DDX56: variants seen among roughly 807,000 people sequenced by gnomAD.
DDX56 encodes DEAD-box helicase 56, also known as probable ATP-dependent RNA helicase DDX56.
In DDX56, 45 loss-of-function variants were observed where a neutral mutation model predicts 61.5. The ratio of observed to expected loss-of-function variants is 0.73; its 90% CI spans 0.58 to 0.94. The LOEUF (loss-of-function observed/expected upper bound fraction) is 0.94. Among genes scored for constraint, DDX56 ranks in the 40% least tolerant of loss-of-function variants. The pLI, the probability that DDX56 is intolerant of heterozygous loss-of-function variation, is 0.00. For synonymous variants in DDX56, 273 were observed against 268.3 expected, an observed-to-expected ratio of 1.02 and a Z score of -0.17; for missense variants, 708 against 690.7, an observed-to-expected ratio of 1.02 and a Z score of -0.28.
At chr7:44,571,341 C>T in intron 6 of DDX56, 151 bp downstream of exon 6, 1 of 928,444 alleles carries the variant, frequency 1.1e-6, no homozygotes, top group Non-Finnish European at 1.6e-6. Context: ...GGTGCCCGGC[C>T]ATGATAGGTA....
rs1429191354 is a variant in DDX56 at position 44,565,890 on chromosome 7, G to C, written c.*112C>G. On this transcript the variant is annotated 3_prime_UTR_variant, in exon 14 of 14. Coordinates refer to ENST00000258772, the MANE Select transcript of DDX56 (RefSeq NM_019082.4). Reference sequence around the variant, plus strand: ...GGAGCTAAAGGGCCCAGCACTGCCGGCCCCAGAACTGTCTGTTCAGGCTGT... The same window carrying C: ...GGAGCTAAAGGGCCCAGCACTGCCGCCCCCAGAACTGTCTGTTCAGGCTGT... 2 of 844,056 alleles carry C rather than the reference G, an allele frequency of 2.4e-6. No individual in the cohort carries two copies. Among genetic ancestry groups the C allele is most frequent in the African/African-American group, 1.7e-5 (1 of 59,938 alleles). 52.3% of individuals were successfully genotyped at this position (844,056 alleles called of 1,614,324 possible).
intron 13 of DDX56, 144 bp from the exon 14 acceptor site, chr7:44,566,223 G>GGGGAAAGGCAGCTGGGGA: frequency 4.5e-6 from 3 of 667,542 alleles, no homozygotes; most frequent in South Asian, 3.6e-5. Flanking sequence ...ATAAGGAAAT[G>GGGGAAAGGCAGCTGGGGA]GGGAAAGGCA....
chr7:44,570,226 A>G (rs35435922), intron 7 of DDX56, 98 bp from the exon 8 acceptor site: 22,711 of 1,452,372 alleles, frequency 0.016, 232 homozygotes, highest in Non-Finnish European at 0.019. Context: ...CCTGTAGATC[A>G]TAAGACCCTG....
At chr7:44,567,837 G>GGA in intron 12 of DDX56, 1 of 495,546 alleles carries the variant, frequency 2.0e-6, no homozygotes, top group South Asian at 2.0e-5. Flanking sequence ...GCCCAGCTCT[G>GGA]GAGACGACCT....
intron 12 of DDX56, 32 bp from the exon 13 acceptor site, chr7:44,566,556 C>T (rs774492229): frequency 1.3e-6 from 2 of 1,490,874 alleles, no homozygotes; most frequent in South Asian, 1.2e-5. Flanking sequence ...GCAGTGGGCT[C>T]ACCGCTACTG....
At chr7:44,573,771 CG>C in intron 1 of DDX56, 27 bp from the exon 2 acceptor site, 3 of 1,613,446 alleles carry the variant, frequency 1.9e-6, no homozygotes, top group Non-Finnish European at 2.5e-6. Flanking sequence ...GCGGTTTAAG[CG>C]GCGTGAAGAG....
chr7:44,571,745 GA>G lies in DDX56; in HGVS notation c.646-10del. 1 of 1,613,408 alleles carries G rather than the reference GA, an allele frequency of 6.2e-7. No individual in the cohort carries two copies. Among genetic ancestry groups the G allele is most frequent in the Non-Finnish European group, 8.5e-7 (1 of 1,179,774 alleles). The stretch of plus-strand genomic sequence containing the variant: ...TGTAACTTAAGGGTAACCTGGGGGA[GA>G]AAACAGGCCTGTGGTCAGAAAGGAA... On this transcript the variant is annotated splice_polypyrimidine_tract_variant and intron_variant, in intron 5 of 13. Coordinates refer to ENST00000258772, the MANE Select transcript of DDX56 (RefSeq NM_019082.4).
At chr7:44,570,706 C>G in intron 7 of DDX56, 52 bp downstream of exon 7, 1 of 1,569,526 alleles carries the variant, frequency 6.4e-7, no homozygotes, top group Non-Finnish European at 8.7e-7. Flanking sequence ...TTCCAAAAAG[C>G]TAAAAACACA....
rs1162086969 is a variant in DDX56 at position 44,569,963 on chromosome 7, C to A, written c.1124+52G>T. The A allele has an allele frequency of 2.5e-6, 4 of 1,612,934 alleles. No homozygotes were observed. The East Asian group carries it at 8.9e-5, about 36-fold the overall frequency. ...CCCGCAGGCTCTGTCCAGCACACCC[C>A]AAGTCCCTCAGTGTGCCTACCATGC... On this transcript the variant is annotated intron_variant, in intron 8 of 13. Transcript: ENST00000258772.
intron 9 of DDX56, 141 bp downstream of exon 9, chr7:44,569,668 C>G (rs1802624070): frequency 1.3e-6 from 1 of 740,976 alleles, no homozygotes; most frequent in Non-Finnish European, 2.2e-6. Flanking sequence ...ACAGTGCCTG[C>G]CACTCAGGGC....
chr7:44,570,785 C>T lies in DDX56; in HGVS notation c.983G>A (p.Arg328His), dbSNP rs775752607. 1.3e-5 allele frequency: 21 copies of T among 1,613,476 alleles called. No individual in the cohort carries two copies. Among genetic ancestry groups the T allele is most frequent in the East Asian group, 2.2e-5 (1 of 44,868 alleles). ...GTCCCCTTTGGGCCCTCGGCCCCGA[C>T]GCTTGCCCTTGACTGGGGCCCCCAG... ...EVLGAPVKGK[R>H]RGRGPKGDKA... Residue 328 changes from arginine (R) to histidine (H), a missense_variant, in exon 7 of 14, where the codon CGT becomes CAT. Coordinates refer to ENST00000258772, the MANE Select transcript of DDX56 (RefSeq NM_019082.4).
intron 2 of DDX56, among the ~76,000 whole-genome samples, chr7:44,573,376 G>C (rs1415937649): frequency 6.6e-6 from 1 of 152,256 alleles, no homozygotes; most frequent in Non-Finnish European, 1.5e-5. Flanking sequence ...CTTTGTCGAA[G>C]ATTACGCAAA....
In DDX56 at chr7:44,573,691, G is replaced by C; in HGVS notation, c.114C>G (p.Ile38Met). Reference sequence around the variant, plus strand: ...GGTCCTTCCCTTCTAGGGCCAGTGGGATGGCCTTCTCCTGGATCAGCGTAG... The same window carrying C: ...GGTCCTTCCCTTCTAGGGCCAGTGGCATGGCCTTCTCCTGGATCAGCGTAG... ...SRPTLIQEKA[I>M]PLALEGKDLL... is the part of the protein sequence containing the mutation. The change falls in exon 2 of 14, where the codon ATC becomes ATG. Residue 38 changes from isoleucine to methionine, a missense_variant. Physicochemically the swap from Ile to Met is conservative, Grantham distance 10. Coordinates refer to ENST00000258772, the MANE Select transcript of DDX56 (RefSeq NM_019082.4). 1.9e-6 allele frequency: 3 copies of C among 1,613,770 alleles called. No homozygotes were observed. In the South Asian group the frequency reaches 3.3e-5, roughly 18 times the overall value.
intron 7 of DDX56, among the ~76,000 whole-genome samples, chr7:44,570,470 A>G (rs1012699333): frequency 1.3e-5 from 2 of 152,302 alleles, no homozygotes; most frequent in Non-Finnish European, 2.9e-5. Flanking sequence ...TGCTCCCTGC[A>G]AGTCACAGCC....
chr7:44,567,850 C>A (rs1256045716), intron 12 of DDX56: 3 of 516,742 alleles, frequency 5.8e-6, no homozygotes, highest in Admixed American at 6.5e-5. Flanking sequence ...GACGACCTGG[C>A]CTGAAATGCT....
intron 9 of DDX56, 177 bp downstream of exon 9, chr7:44,569,632 C>A: frequency 1.6e-6 from 1 of 641,812 alleles, no homozygotes; most frequent in East Asian, 2.7e-5. Flanking sequence ...GACAAATTAC[C>A]TCAATTTGTT....
intron 9 of DDX56, 103 bp from the exon 10 acceptor site, chr7:44,569,306 A>T: frequency 9.3e-7 from 1 of 1,076,028 alleles, no homozygotes; most frequent in Non-Finnish European, 1.4e-6. Context: ...GCAGCAGGGG[A>T]CCCACCGCCT....
In DDX56 at chr7:44,572,997, C is replaced by A. The variant is rs952262212; in HGVS notation, c.276G>T (p.Lys92Asn). 2.5e-6 allele frequency: 4 copies of A among 1,612,872 alleles called. No individual in the cohort carries two copies. Among genetic ancestry groups the A allele is most frequent in the Admixed American group, 1.7e-5 (1 of 59,730 alleles). Residue 92 changes from lysine (K) to asparagine (N), a missense_variant, in exon 3 of 14, where the codon AAG (lysine) becomes AAT (asparagine). Lys to Asn is a moderately conservative substitution (Grantham distance 94). Coordinates refer to ENST00000258772, the MANE Select transcript of DDX56 (RefSeq NM_019082.4). ...TGGACTGTGCTTGCCGTGCCAGCTC[C>A]TTGGTAGGAACAAGAACAAGGCCTC... The part of the protein sequence containing the change: ...AVRGLVLVPT[K>N]ELARQAQSMI...
rs56410734 is a variant in DDX56 at position 44,565,893 on chromosome 7, C to T, written c.*109G>A. 2 of 881,434 alleles carry T rather than the reference C, an allele frequency of 2.3e-6. No homozygotes were observed. The highest frequency in any genetic ancestry group is 4.0e-5 in the Admixed American group (2 of 49,814). 54.6% of individuals were successfully genotyped at this position (881,434 alleles called of 1,614,324 possible). A position where few individuals can be genotyped will look rare whatever the true frequency, so the allele number is the denominator to read the frequency against. On this transcript the variant is annotated 3_prime_UTR_variant, in exon 14 of 14. Transcript: ENST00000258772. ...GCTAAAGGGCCCAGCACTGCCGGCC[C>T]CAGAACTGTCTGTTCAGGCTGTGCA...
Sources: gnomAD v4.1 joint callset for allele counts (sites outside exome capture counted in the v4.1 genomes callset) on GRCh38, gnomAD v4.1.1 for gene constraint, MANE v1.5 for transcripts, NCBI Gene and HGNC (gene_info 2026-07-23, HGNC 2026-07-21) for gene names.